SCUBE2: variants seen among roughly 807,000 people sequenced by gnomAD.
The protein encoded by SCUBE2 is signal peptide, CUB domain and EGF like domain containing 2, also known as signal peptide, CUB and EGF-like domain-containing protein 2.
In SCUBE2, 114 loss-of-function variants were observed where a neutral mutation model predicts 125.9. The observed-to-expected ratio is 0.91, with a 90% CI of 0.78 to 1.06. The LOEUF (loss-of-function observed/expected upper bound fraction) is 1.06. SCUBE2 is among the 50% of genes least tolerant of loss of function. The pLI, the probability that SCUBE2 is intolerant of heterozygous loss-of-function variation, is 0.00. For missense variants in SCUBE2, 1,255 were observed against 1,301.8 expected (o/e 0.96, Z 0.55); for synonymous variants, 459 against 492.9 (o/e 0.93, Z 0.91).
In SCUBE2 at chr11:9,053,109, G is replaced by T. The variant is rs765156282; in HGVS notation, c.1437C>A (p.His479Gln). 1 of 1,613,972 alleles carries T rather than the reference G, an allele frequency of 6.2e-7. No homozygotes were observed. Among genetic ancestry groups the T allele is most frequent in the Non-Finnish European group, 8.5e-7 (1 of 1,179,858 alleles). The change falls in exon 12 of 23, where the codon CAC becomes CAA. Residue 479 changes from histidine to glutamine, a missense_variant. Physicochemically the swap from His to Gln is conservative, Grantham distance 24. This residue lies in a region of SCUBE2 where 378 missense variants were observed against 463.1 expected (regional missense o/e 0.82). Transcript: ENST00000649792. Reference sequence around the variant, plus strand: ...CTGGGCCCCACTCACCTGAAGAGAGGTGAATGCCAGAGTGACATCTGAGGA... The same window carrying T: ...CTGGGCCCCACTCACCTGAAGAGAGTTGAATGCCAGAGTGACATCTGAGGA... ...GCFLRCHSGI[H>Q]LSSGLQGAYS...
intron 20 of SCUBE2, chr11:9,027,068 C>A: frequency 2.4e-6 from 1 of 418,308 alleles, no homozygotes; most frequent in Non-Finnish European, 4.4e-6. Flanking sequence ...CTGGGGCCAA[C>A]ACTGCATGAT....
At chr11:9,067,771 T>TA (rs1190021858) in intron 5 of SCUBE2, among the ~76,000 whole-genome samples, 1 of 152,100 alleles carries the variant, frequency 6.6e-6, no homozygotes, top group South Asian at 2.1e-4. Context: ...ATGTTAAAAT[T>TA]AAAAAAAGTT....
intron 16 of SCUBE2, among the ~76,000 whole-genome samples, chr11:9,037,924 G>A (rs1045158711): frequency 6.6e-6 from 1 of 152,126 alleles, no homozygotes; most frequent in Non-Finnish European, 1.5e-5. Flanking sequence ...ACTTCCTTTA[G>A]AGTGCCTTTT....
At chr11:9,076,055 G>C (rs1861189105) in intron 3 of SCUBE2, among the ~76,000 whole-genome samples, 1 of 152,218 alleles carries the variant, frequency 6.6e-6, no homozygotes, top group Non-Finnish European at 1.5e-5. Flanking sequence ...AACCTCAGTG[G>C]GGAGCTTGGA....
At chr11:9,090,526 G>C (rs1862594158) in intron 1 of SCUBE2, 1 of 149,152 alleles carries the variant, frequency 6.7e-6, no homozygotes, top group South Asian at 2.1e-4. Context: ...GTTTGTGTTG[G>C]TATATTTTAT....
Position 9,021,067 on chromosome 11 carries a change from CTGGACACTT to C in SCUBE2, c.3056_3064del (p.Lys1019_Ser1021del). 6.2e-7 allele frequency: 1 copy of C among 1,613,494 alleles called. No individual in the cohort carries two copies. The highest frequency in any genetic ancestry group is 8.5e-7 in the Non-Finnish European group (1 of 1,179,748). On this transcript the variant is annotated inframe_deletion, in exon 23 of 23. Transcript: ENST00000649792. The stretch of plus-strand genomic sequence containing the variant: ...GAGTCATTTGTAAGGTCTCAAAAAC[CTGGACACTT>C]TGGAACGTAGCAATCGGATGAACGA...
chr11:9,032,312 C>T (rs1433370900), intron 17 of SCUBE2, among the ~76,000 whole-genome samples: 4 of 151,974 alleles, frequency 2.6e-5, no homozygotes, highest in Admixed American at 6.6e-5. Context: ...TTTCTACAAA[C>T]GAGGTCTCAC....
At chr11:9,082,436 C>G (rs943327739) in intron 2 of SCUBE2, among the ~76,000 whole-genome samples, 1 of 152,048 alleles carries the variant, frequency 6.6e-6, no homozygotes, top group African/African-American at 2.4e-5. Flanking sequence ...AATTTAAACA[C>G]AAATACAACA....
Position 9,020,947 on chromosome 11 carries a change from G to A in SCUBE2, c.*98C>T. 2 of 1,052,808 alleles carry A rather than the reference G, an allele frequency of 1.9e-6. No individual in the cohort carries two copies. Among genetic ancestry groups the A allele is most frequent in the South Asian group, 2.3e-5 (1 of 43,578 alleles). The allele number at this position is 1,052,808 out of a possible 1,614,324, so 65.2% of individuals were successfully genotyped here. The stretch of plus-strand genomic sequence containing the variant: ...ACTCTAATGAGTCACTGATACGGGA[G>A]GCAGCAATACCCGACTGTGCTGACA... On this transcript the variant is annotated 3_prime_UTR_variant, in exon 23 of 23. Coordinates refer to ENST00000649792, the MANE Select transcript of SCUBE2 (RefSeq NM_001367977.2).
rs1298401033 is a variant in SCUBE2, at chr11:9,089,750, G to A, written c.213C>T (p.Cys71=). The A allele has an allele frequency of 3.7e-6, 6 of 1,613,864 alleles. No individual in the cohort carries two copies. The South Asian group carries it at 6.6e-5, about 18-fold the overall frequency. Reference sequence around the variant, plus strand: ...CCCCTTGGTAGCCAGGCTTGCAGGAGCACTTGTAGGAGGTGGGTGTGTTCT... The same window carrying A: ...CCCCTTGGTAGCCAGGCTTGCAGGAACACTTGTAGGAGGTGGGTGTGTTCT... ...LCQNTPTSYK[C]SCKPGYQGEG... The change falls in exon 2 of 23, where the codon TGC becomes TGT. Residue 71 remains cysteine, a synonymous_variant. Coordinates refer to ENST00000649792, the MANE Select transcript of SCUBE2 (RefSeq NM_001367977.2).
intron 7 of SCUBE2, among the ~76,000 whole-genome samples, chr11:9,061,461 AAGCAGGAAGATCACTTG>A (rs1261237569): frequency 1.3e-5 from 2 of 152,032 alleles, no homozygotes; most frequent in African/African-American, 4.8e-5. Context: ...CGGGAGGCTG[AAGCAGGAAGATCACTTG>A]AGCCCAGGAG....
intron 14 of SCUBE2, 71 bp from the exon 15 acceptor site, chr11:9,048,169 C>T (rs1566195351): frequency 6.8e-7 from 1 of 1,464,070 alleles, no homozygotes; most frequent in Admixed American, 2.1e-5. Flanking sequence ...TGCTAGAGCT[C>T]AGTAAACATT....
intron 4 of SCUBE2, among the ~76,000 whole-genome samples, chr11:9,074,086 C>A (rs747716291): frequency 2.1e-4 from 32 of 152,194 alleles, no homozygotes; most frequent in Non-Finnish European, 4.0e-4. Context: ...AGGATCCAGC[C>A]TCCTCCCTAC....
chr11:9,040,274 TAATAA>T (rs56273565), intron 16 of SCUBE2, among the ~76,000 whole-genome samples: 63,725 of 151,796 alleles, frequency 0.42, 15,749 homozygotes, highest in East Asian at 0.55. Flanking sequence ...TTAACAATAA[TAATAA>T]AATAAAACAA....
At chr11:9,039,693 A>T (rs2135276476) in intron 16 of SCUBE2, among the ~76,000 whole-genome samples, 1 of 152,266 alleles carries the variant, frequency 6.6e-6, no homozygotes, top group Non-Finnish European at 1.5e-5. Flanking sequence ...GGTTTAGAAT[A>T]TGGTGTAAGA....
chr11:9,062,135 T>C (rs911804107), intron 7 of SCUBE2, among the ~76,000 whole-genome samples: 1 of 152,198 alleles, frequency 6.6e-6, no homozygotes, highest in African/African-American at 2.4e-5. Context: ...TGAAAGTCTA[T>C]ACCCTGAAAA....
At chr11:9,040,523 TCA>T (rs1161294019) in intron 16 of SCUBE2, among the ~76,000 whole-genome samples, 1 of 111,566 alleles carries the variant, frequency 9.0e-6, no homozygotes, top group Non-Finnish European at 2.0e-5. Flanking sequence ...AAGGGAGGAT[TCA>T]TATCCCAGGC....
Position 9,060,508 on chromosome 11 carries a change from G to A in SCUBE2, c.867C>T (p.Asn289=). 6.2e-7 allele frequency: 1 copy of A among 1,613,730 alleles called. No individual in the cohort carries two copies. The highest frequency in any genetic ancestry group is 8.5e-7 in the Non-Finnish European group (1 of 1,179,796). Residue 289 remains asparagine (N), a synonymous_variant, in exon 8 of 23, where the codon AAC becomes AAT. Coordinates refer to ENST00000649792, the MANE Select transcript of SCUBE2 (RefSeq NM_001367977.2). ...TACAGGTGCGGTCACAGCCTCCATT[G>A]TTGACAGCACACGTTTCTGGCAAGG... The part of the protein sequence containing the change: ...RRLLMETCAV[N]NGGCDRTCKD...
chr11:9,090,188 T>C, intron 1 of SCUBE2: 1 of 178,034 alleles, frequency 5.6e-6, no homozygotes, highest in Middle Eastern at 8.6e-4. Context: ...CCTTCCTCTC[T>C]CTCCACTAGA....
Sources: allele counts gnomAD v4.1 joint callset (sites outside exome capture counted in the v4.1 genomes callset), GRCh38; gene constraint gnomAD v4.1.1; regional missense constraint gnomAD v4.1.1; transcripts MANE v1.5; gene names NCBI Gene and HGNC (gene_info 2026-07-23, HGNC 2026-07-21).